Variants in NEDD9 observed in about 807,000 individuals in gnomAD.
NEDD9 encodes the protein neural precursor cell expressed, developmentally down-regulated 9.
In NEDD9, 26 loss-of-function variants were observed where a neutral mutation model predicts 76.6. That is an observed-to-expected ratio of 0.34 (90% CI 0.25 to 0.47). NEDD9 has a LOEUF of 0.47. Ranked by LOEUF, NEDD9 falls within the 20% of genes least tolerant of loss-of-function variation. NEDD9 has a pLI of 1.00. For missense variants in NEDD9, 937 were observed against 1,058.5 expected, an observed-to-expected ratio of 0.89 and a Z score of 1.59; for synonymous variants, 392 against 414.2, an observed-to-expected ratio of 0.95 and a Z score of 0.65.
chr6:11,218,560 A>G (rs938454686), intron 1 of NEDD9, among the ~76,000 whole-genome samples: 4 of 152,166 alleles, frequency 2.6e-5, no homozygotes, highest in African/African-American at 9.7e-5. Context: ...TCAGAGATGC[A>G]AATTCCTTTT....
At chr6:11,203,420 A>T (rs1758514540) in intron 2 of NEDD9, among the ~76,000 whole-genome samples, 1 of 152,206 alleles carries the variant, frequency 6.6e-6, no homozygotes, top group Non-Finnish European at 1.5e-5. Context: ...TGTGAAGAGG[A>T]GGTGAGAGAT....
intron 3 of NEDD9, among the ~76,000 whole-genome samples, chr6:11,292,700 T>G (rs1357772054): frequency 2.0e-5 from 3 of 152,212 alleles, no homozygotes; most frequent in Non-Finnish European, 4.4e-5. Flanking sequence ...GATTTATGCA[T>G]GTTTTAGTTT....
In NEDD9 at chr6:11,223,080, G is replaced by T. The variant is rs187156888; in HGVS notation, c.13-9353C>A. Among the ~76,000 whole-genome samples, 64 of 152,280 alleles carry T rather than the reference G, an allele frequency of 4.2e-4. No homozygotes were observed. The East Asian group carries it at 0.012, about 28-fold the overall frequency. On this transcript the variant is annotated intron_variant, in intron 1 of 6. Transcript: ENST00000379446. ...GCATCTAGTGGGTAGAGTGGCCAGG[G>T]ATGTTGCTAAACATCCTACAGTGTA...
At chr6:11,256,281 G>A (rs189128426) in intron 3 of NEDD9, among the ~76,000 whole-genome samples, 141 of 152,280 alleles carry the variant, frequency 9.3e-4, no homozygotes, top group African/African-American at 2.4e-3. Flanking sequence ...GAATCTTCCC[G>A]GCGAGACCTT....
At chr6:11,358,361 G>A (rs1762620200) in intron 1 of NEDD9, among the ~76,000 whole-genome samples, 1 of 151,900 alleles carries the variant, frequency 6.6e-6, no homozygotes, top group Admixed American at 6.6e-5. Context: ...ACGCCTGCCA[G>A]TGCAGAACGC....
intron 2 of NEDD9, among the ~76,000 whole-genome samples, chr6:11,197,153 G>A (rs1298425746): frequency 2.0e-5 from 3 of 152,182 alleles, no homozygotes; most frequent in East Asian, 1.9e-4. Context: ...GCATTTGTTC[G>A]GTGAGGCATT....
chr6:11,273,860 C>T (rs989860687), intron 3 of NEDD9, among the ~76,000 whole-genome samples: 4 of 152,202 alleles, frequency 2.6e-5, no homozygotes, highest in South Asian at 2.1e-4. Context: ...GGTACTTTGA[C>T]GTACTCTGAC....
chr6:11,187,098 C>G (rs990783652), intron 6 of NEDD9, among the ~76,000 whole-genome samples: 6 of 151,650 alleles, frequency 4.0e-5, no homozygotes, highest in African/African-American at 1.2e-4. Context: ...AGGCTTTATG[C>G]AAATATGTTC....
At chr6:11,286,201 A>C (rs1760645923) in intron 3 of NEDD9, among the ~76,000 whole-genome samples, 1 of 152,248 alleles carries the variant, frequency 6.6e-6, no homozygotes, top group African/African-American at 2.4e-5. Context: ...CATTTTATTA[A>C]TGAGGACACA....
intron 2 of NEDD9, among the ~76,000 whole-genome samples, chr6:11,196,683 G>T (rs1758302124): frequency 6.6e-6 from 1 of 151,938 alleles, no homozygotes; most frequent in Non-Finnish European, 1.5e-5. Flanking sequence ...AACGCCAACC[G>T]AATACAGCAC....
upstream of NEDD9, among the ~76,000 whole-genome samples, chr6:11,237,520 G>C (rs899431473): frequency 6.6e-5 from 10 of 152,156 alleles, no homozygotes; most frequent in East Asian, 1.9e-3. The surrounding 1 kb of genome is among the most constrained non-coding windows in gnomAD (Gnocchi z 4.9). Flanking sequence ...CCTGTTGCTA[G>C]TTCTGCATCT....
chr6:11,366,298 A>AAGGAAGGAAG (rs1439789755), intron 1 of NEDD9, among the ~76,000 whole-genome samples: 10 of 94,926 alleles, frequency 1.1e-4, no homozygotes, highest in Admixed American at 4.1e-4. Flanking sequence ...AAGGAAGGAA[A>AAGGAAGGAAG]GAAAGAAAGA....
At chr6:11,319,821 AAC>A (rs1761742273) in intron 2 of NEDD9, among the ~76,000 whole-genome samples, 1 of 145,426 alleles carries the variant, frequency 6.9e-6, no homozygotes, top group Non-Finnish European at 1.5e-5. Context: ...CACTTGCACT[AAC>A]AAGCAAATAC....
chr6:11,206,210 G>C (rs1394368562), intron 2 of NEDD9, among the ~76,000 whole-genome samples: 1 of 152,066 alleles, frequency 6.6e-6, no homozygotes, highest in African/African-American at 2.4e-5. Flanking sequence ...CCTGAGATCA[G>C]GAGTTTGAGA....
chr6:11,363,690 A>G (rs1449512708), intron 1 of NEDD9, among the ~76,000 whole-genome samples: 2 of 152,244 alleles, frequency 1.3e-5, no homozygotes, highest in Non-Finnish European at 2.9e-5. Flanking sequence ...GGTTTGAAGA[A>G]GGATGCTACT....
intron 3 of NEDD9, among the ~76,000 whole-genome samples, chr6:11,290,387 G>A (rs1760738934): frequency 6.6e-6 from 1 of 152,104 alleles, no homozygotes; most frequent in South Asian, 2.1e-4. Context: ...GTGACTTCTG[G>A]CCTCCAAATA....
intron 1 of NEDD9, among the ~76,000 whole-genome samples, chr6:11,375,130 A>G (rs1762951030): frequency 6.6e-6 from 1 of 152,204 alleles, no homozygotes; most frequent in African/African-American, 2.4e-5. Context: ...ATTTTTGTCA[A>G]TGACTTAGCA....
chr6:11,199,637 C>CTTTTTTTT lies in NEDD9; in HGVS notation c.460-5953_460-5946dup, dbSNP rs59651160. On this transcript the variant is annotated intron_variant, in intron 2 of 6. Coordinates refer to ENST00000379446, the MANE Select transcript of NEDD9 (RefSeq NM_006403.4). ...AAAATGAAGAAAAGCTAGGAAAGAT[C>CTTTTTTTT]TTTTTTTTTTTTTTTTTTTTTTTTT... 35 of 43,142 alleles carry CTTTTTTTT rather than the reference C, an allele frequency of 8.1e-4. 4 individuals carry two copies. Among genetic ancestry groups the CTTTTTTTT allele is most frequent in the Non-Finnish European group, 7.3e-4 (17 of 23,374 alleles). The allele number at this position is 43,142 out of a possible 1,614,324, so 2.7% of individuals were successfully genotyped here. A position where few individuals can be genotyped will look rare whatever the true frequency, so the allele number is the denominator to read the frequency against.
At chr6:11,219,062 T>C (rs1759060996) in intron 1 of NEDD9, among the ~76,000 whole-genome samples, 1 of 152,156 alleles carries the variant, frequency 6.6e-6, no homozygotes, top group South Asian at 2.1e-4. Context: ...ACCACTTGGG[T>C]TCTGCTGTTC....
Sources: gnomAD v4.1 joint callset for allele counts (sites outside exome capture counted in the v4.1 genomes callset) on GRCh38, gnomAD v4.1.1 for gene constraint, Gnocchi (gnomAD v3.1) non-coding constraint, MANE v1.5 for transcripts, NCBI Gene and HGNC (gene_info 2026-07-23, HGNC 2026-07-21) for gene names.